The following SERGEF variants were observed in gnomAD, a reference collection of about 807,000 sequenced individuals.
SERGEF encodes secretion regulating guanine nucleotide exchange factor.
A neutral mutation model predicts 50.0 loss-of-function variants in SERGEF; 51 were observed. The observed-to-expected ratio is 1.02, with a 90% CI of 0.81 to 1.29. The LOEUF (loss-of-function observed/expected upper bound fraction) is 1.29. Among genes scored for constraint, SERGEF ranks in the 50% most tolerant of loss-of-function variants. The probability of loss-of-function intolerance (pLI) is 0.00; values close to 1 mark genes in which losing one functional copy is unlikely to be tolerated. For missense variants in SERGEF, 521 were observed against 557.0 expected (o/e 0.94, Z 0.65); for synonymous variants, 205 against 212.4 (o/e 0.97, Z 0.30).
chr11:17,795,992 C>CT (rs922668088), intron 10 of SERGEF, among the ~76,000 whole-genome samples: 2 of 152,018 alleles, frequency 1.3e-5, no homozygotes, highest in African/African-American at 4.8e-5. Flanking sequence ...CATATTAAAA[C>CT]TTTTTTTTAA....
chr11:17,886,237 AC>A (rs1412555078), intron 9 of SERGEF, among the ~76,000 whole-genome samples: 1 of 152,226 alleles, frequency 6.6e-6, no homozygotes, highest in Non-Finnish European at 1.5e-5. Flanking sequence ...TTCTACAGAT[AC>A]ATTTTAGGAC....
Position 17,964,215 on chromosome 11 carries a change from T to C in SERGEF, c.845-4579A>G, listed in dbSNP as rs77126046. On this transcript the variant is annotated intron_variant, in intron 8 of 10. Coordinates refer to ENST00000265965, the MANE Select transcript of SERGEF (RefSeq NM_012139.4). ...GGCGTTTGGCAAACATGTTATCAAA[T>C]AGTCAAATATAAATGAAAGGGGAGA... 6.5e-3 allele frequency among the ~76,000 whole-genome samples: 993 copies of C among 152,120 alleles called. 9 individuals are homozygous for C. The highest frequency in any genetic ancestry group is 0.022 in the African/African-American group (926 of 41,488).
At chr11:17,883,323 A>C (rs778356501) in intron 9 of SERGEF, among the ~76,000 whole-genome samples, 78 of 152,220 alleles carry the variant, frequency 5.1e-4, no homozygotes, top group Non-Finnish European at 9.6e-4. Flanking sequence ...TAATTTAAGC[A>C]AAAATTGGAT....
chr11:17,804,301 T>C (rs572220989), intron 10 of SERGEF, among the ~76,000 whole-genome samples: 1 of 152,280 alleles, frequency 6.6e-6, no homozygotes, highest in East Asian at 1.9e-4. Context: ...TCCCAGTGCA[T>C]GAAACAGGCA....
chr11:17,966,114 C>CA (rs1565217452), intron 8 of SERGEF, among the ~76,000 whole-genome samples: 5 of 151,818 alleles, frequency 3.3e-5, no homozygotes, highest in African/African-American at 1.2e-4. Context: ...TAATGATAAT[C>CA]AAAAAAGAGA....
At chr11:17,981,246 A>T (rs565455022) in intron 8 of SERGEF, among the ~76,000 whole-genome samples, 1 of 152,258 alleles carries the variant, frequency 6.6e-6, no homozygotes, top group South Asian at 2.1e-4. Context: ...TGTATTCTGT[A>T]GCATAGTACT....
chr11:17,995,891 T>G lies in SERGEF; in HGVS notation c.527A>C (p.Gln176Pro), dbSNP rs764565835. Residue 176 changes from glutamine to proline, a missense_variant, in exon 6 of 11, where the codon CAG becomes CCG. Gln to Pro is a moderately conservative substitution (Grantham distance 76). Coordinates refer to ENST00000265965, the MANE Select transcript of SERGEF (RefSeq NM_012139.4). ...VAATASGIVF[Q>P]WGTGLASCGR... ...ACATGATGCCAAACCAGTCCCCCAC[T>G]GGAACACGATGCCACTCGCTTCCCA... 6.2e-7 allele frequency: 1 copy of G among 1,613,400 alleles called. No individual in the cohort carries two copies. Among genetic ancestry groups the G allele is most frequent in the Admixed American group, 1.7e-5 (1 of 60,002 alleles).
intron 9 of SERGEF, among the ~76,000 whole-genome samples, chr11:17,912,673 C>T (rs1341245968): frequency 1.3e-5 from 2 of 152,132 alleles, no homozygotes; most frequent in African/African-American, 4.8e-5. Flanking sequence ...TTATAGCTGA[C>T]AAAAGTGAGA....
intron 10 of SERGEF, among the ~76,000 whole-genome samples, chr11:17,830,601 GGAGAGAGAGA>G (rs71962769): frequency 3.3e-5 from 3 of 90,874 alleles, no homozygotes; most frequent in Non-Finnish European, 6.1e-5. Flanking sequence ...GGAGAGAGGT[GGAGAGAGAGA>G]GAGAGAGAGA....
chr11:17,906,147 G>A (rs1851835853), intron 9 of SERGEF, among the ~76,000 whole-genome samples: 1 of 152,186 alleles, frequency 6.6e-6, no homozygotes, highest in African/African-American at 2.4e-5. Context: ...CACTGTCAGA[G>A]GTGGATGCTA....
chr11:17,974,524 G>A (rs1343908261), intron 8 of SERGEF, among the ~76,000 whole-genome samples: 1 of 152,130 alleles, frequency 6.6e-6, no homozygotes, highest in Non-Finnish European at 1.5e-5. Context: ...TACATAAAGG[G>A]GCTGGTATAA....
intron 10 of SERGEF, among the ~76,000 whole-genome samples, chr11:17,805,301 T>C (rs542134760): frequency 3.3e-5 from 5 of 152,320 alleles, no homozygotes; most frequent in South Asian, 2.1e-4. Context: ...GCACCAGCTA[T>C]GGTGATCTGC....
At chr11:17,803,619 C>T (rs1243454476) in intron 10 of SERGEF, among the ~76,000 whole-genome samples, 3 of 152,224 alleles carry the variant, frequency 2.0e-5, no homozygotes, top group Admixed American at 6.5e-5. Flanking sequence ...ACGTGACACA[C>T]GCTCACTGGA....
At chr11:17,799,852 A>T (rs1849634012) in intron 10 of SERGEF, among the ~76,000 whole-genome samples, 1 of 152,150 alleles carries the variant, frequency 6.6e-6, no homozygotes, top group African/African-American at 2.4e-5. Flanking sequence ...ATTCAGTTCA[A>T]TTCATTTTGT....
intron 8 of SERGEF, among the ~76,000 whole-genome samples, chr11:17,974,720 A>C (rs1210028532): frequency 6.6e-6 from 1 of 152,162 alleles, no homozygotes; most frequent in Non-Finnish European, 1.5e-5. Context: ...CTGTTTCCTC[A>C]AATTTCAAAT....
At chr11:17,835,843 T>G (rs1356096739) in intron 10 of SERGEF, among the ~76,000 whole-genome samples, 1 of 152,224 alleles carries the variant, frequency 6.6e-6, no homozygotes, top group Non-Finnish European at 1.5e-5. Context: ...TGAAATGTTG[T>G]AAAGTAGTGC....
chr11:17,942,302 T>G (rs1352165342), intron 9 of SERGEF, among the ~76,000 whole-genome samples: 1 of 152,194 alleles, frequency 6.6e-6, no homozygotes, highest in Non-Finnish European at 1.5e-5. Context: ...GTTTTGTAGT[T>G]TTTATGTACA....
At chr11:17,854,343 C>T (rs918699493) in intron 10 of SERGEF, among the ~76,000 whole-genome samples, 11 of 152,172 alleles carry the variant, frequency 7.2e-5, no homozygotes, top group African/African-American at 2.7e-4. Flanking sequence ...CCACAGGCAT[C>T]TTACACTCAG....
At chr11:17,962,726 G>T (rs1025803801) in intron 8 of SERGEF, among the ~76,000 whole-genome samples, 3 of 152,164 alleles carry the variant, frequency 2.0e-5, no homozygotes, top group African/African-American at 7.2e-5. Flanking sequence ...GGCCAAATGA[G>T]AAGTATGGAG....
Sources: allele counts gnomAD v4.1 joint callset (sites outside exome capture counted in the v4.1 genomes callset), GRCh38; gene constraint gnomAD v4.1.1; transcripts MANE v1.5; gene names NCBI Gene and HGNC (gene_info 2026-07-23, HGNC 2026-07-21).